Variants in CPNE8 observed in about 807,000 individuals in gnomAD.
The protein encoded by CPNE8 is copine 8.
A neutral mutation model predicts 81.5 loss-of-function variants in CPNE8; 45 were observed. The observed-to-expected ratio is 0.55, with a 90% CI of 0.44 to 0.71. CPNE8 has a LOEUF of 0.71. CPNE8 is among the 30% of genes least tolerant of loss of function. CPNE8 has a pLI of 0.00. For synonymous variants in CPNE8, 252 were observed against 226.3 expected (o/e 1.11, Z -1.02); for missense variants, 594 against 672.1 (o/e 0.88, Z 1.28).
At chr12:38,679,023 T>C (rs1402887650) in intron 16 of CPNE8, among the ~76,000 whole-genome samples, 2 of 151,894 alleles carry the variant, frequency 1.3e-5, no homozygotes, top group East Asian at 3.8e-4. Context: ...TCCCCCAGGA[T>C]CTCAATTTTT....
At chr12:38,771,176 AG>A (rs1272513767) in intron 7 of CPNE8, among the ~76,000 whole-genome samples, 1 of 152,128 alleles carries the variant, frequency 6.6e-6, no homozygotes, top group Non-Finnish European at 1.5e-5. Flanking sequence ...ACTACATAAA[AG>A]GCCAGGCATA....
At chr12:38,787,668 T>C (rs1343873289) in intron 6 of CPNE8, among the ~76,000 whole-genome samples, 2 of 151,662 alleles carry the variant, frequency 1.3e-5, no homozygotes, top group African/African-American at 4.8e-5. Context: ...AGTTAGGTTT[T>C]TGAAAAGTTA....
rs534351914 is a variant in CPNE8 at position 38,828,931 on chromosome 12, C to T, written c.407+448G>A. On this transcript the variant is annotated intron_variant, in intron 6 of 19. Transcript: ENST00000331366. ...ATAGACCATTCTTAGTGATTACCTT[C>T]TCCCAATATTTACCTACTTACAGCT... 2.6e-5 allele frequency among the ~76,000 whole-genome samples: 4 copies of T among 152,274 alleles called. No homozygotes were observed. The South Asian group carries it at 8.3e-4, about 32-fold the overall frequency.
At chr12:38,763,956 A>T (rs192977952) in intron 8 of CPNE8, among the ~76,000 whole-genome samples, 4 of 152,056 alleles carry the variant, frequency 2.6e-5, no homozygotes, top group Admixed American at 1.3e-4. Context: ...CTATTAAGAG[A>T]TAAGATAGAA....
At chr12:38,848,524 A>G (rs375969235) in intron 4 of CPNE8, 35 bp downstream of exon 4, 130 of 1,544,560 alleles carry the variant, frequency 8.4e-5, no homozygotes, top group Non-Finnish European at 1.8e-5. Flanking sequence ...CTTTAAAATC[A>G]AATTTTTCTA....
At chr12:38,750,063 T>C (rs1941319225) in intron 10 of CPNE8, among the ~76,000 whole-genome samples, 1 of 152,104 alleles carries the variant, frequency 6.6e-6, no homozygotes, top group Non-Finnish European at 1.5e-5. Context: ...TCTAGAAACT[T>C]GGTGCTCTGC....
At chr12:38,688,589 A>G (rs1939594611) in intron 15 of CPNE8, among the ~76,000 whole-genome samples, 1 of 127,354 alleles carries the variant, frequency 7.9e-6, no homozygotes, top group South Asian at 2.9e-4. Flanking sequence ...AAGTGGATAA[A>G]GAAAATGTGG....
intron 19 of CPNE8, among the ~76,000 whole-genome samples, chr12:38,658,463 T>G (rs1248334591): frequency 6.6e-6 from 1 of 152,180 alleles, no homozygotes; most frequent in Non-Finnish European, 1.5e-5. Context: ...GGAACCAAGT[T>G]GGAAAACACT....
At chr12:38,805,992 A>G (rs1942792214) in intron 6 of CPNE8, among the ~76,000 whole-genome samples, 1 of 150,422 alleles carries the variant, frequency 6.6e-6, no homozygotes, top group African/African-American at 2.4e-5. Context: ...CAAATAAACT[A>G]GAAAATCTAG....
chr12:38,731,914 A>T (rs1438832040), intron 10 of CPNE8, among the ~76,000 whole-genome samples: 3 of 151,490 alleles, frequency 2.0e-5, no homozygotes, highest in Non-Finnish European at 4.4e-5. Context: ...TGCACTCTTA[A>T]AATTTTCTGA....
At chr12:38,701,776 G>A (rs1254697301) in intron 14 of CPNE8, among the ~76,000 whole-genome samples, 1 of 152,162 alleles carries the variant, frequency 6.6e-6, no homozygotes, top group Admixed American at 6.5e-5. Flanking sequence ...TTACAGGCAT[G>A]AGCCACCATG....
At chr12:38,676,421 C>T in intron 17 of CPNE8, 3 of 412,260 alleles carry the variant, frequency 7.3e-6, no homozygotes, top group Non-Finnish European at 9.8e-6. Context: ...TATCTTTTTC[C>T]TCTTTTCATG....
At chr12:38,884,915 C>G (rs903374102) in intron 1 of CPNE8, among the ~76,000 whole-genome samples, 5 of 151,956 alleles carry the variant, frequency 3.3e-5, no homozygotes, top group Non-Finnish European at 4.4e-5. Context: ...CTCCCCACAC[C>G]CAAAGTATAT....
intron 3 of CPNE8, among the ~76,000 whole-genome samples, chr12:38,858,997 C>T (rs559912295): frequency 1.1e-3 from 163 of 152,234 alleles, no homozygotes; most frequent in Non-Finnish European, 1.9e-3. Context: ...ACATCATACT[C>T]GTTGGTGAAA....
intron 6 of CPNE8, among the ~76,000 whole-genome samples, chr12:38,778,522 G>C (rs777495214): frequency 3.9e-5 from 6 of 152,022 alleles, no homozygotes; most frequent in Non-Finnish European, 8.8e-5. Flanking sequence ...ATAAACTATA[G>C]CTTGTTAACT....
chr12:38,737,669 G>A (rs1745637758), intron 10 of CPNE8, among the ~76,000 whole-genome samples: 1 of 151,880 alleles, frequency 6.6e-6, no homozygotes, highest in African/African-American at 2.4e-5. Context: ...ACTACCACAT[G>A]TCATTGAAAG....
At chr12:38,858,250 C>T (rs1943776070) in intron 3 of CPNE8, among the ~76,000 whole-genome samples, 1 of 152,172 alleles carries the variant, frequency 6.6e-6, no homozygotes, top group South Asian at 2.1e-4. Context: ...CATATAAAGC[C>T]AATTACCTAA....
At chr12:38,658,776 A>G (rs1275628107) in intron 19 of CPNE8, among the ~76,000 whole-genome samples, 1 of 152,246 alleles carries the variant, frequency 6.6e-6, no homozygotes, top group Non-Finnish European at 1.5e-5. Flanking sequence ...TTTTCAATCC[A>G]GAATTTCATA....
intron 6 of CPNE8, among the ~76,000 whole-genome samples, chr12:38,818,059 C>T (rs1484793844): frequency 6.6e-6 from 1 of 152,056 alleles, no homozygotes; most frequent in East Asian, 1.9e-4. Context: ...GGTATAATAA[C>T]AGTACTTGTC....
Sources: gnomAD v4.1 joint callset for allele counts (sites outside exome capture counted in the v4.1 genomes callset) on GRCh38, gnomAD v4.1.1 for gene constraint, MANE v1.5 for transcripts, NCBI Gene and HGNC (gene_info 2026-07-23, HGNC 2026-07-21) for gene names.